The following AGBL4 variants were observed in gnomAD, a reference collection of about 807,000 sequenced individuals.
AGBL4 encodes the protein cytosolic carboxypeptidase 6.
Under a neutral mutation model 66.4 loss-of-function variants are expected in AGBL4, and 58 were observed. That is an observed-to-expected ratio of 0.87 (90% confidence interval 0.71 to 1.09). AGBL4 has a LOEUF of 1.09. Ranked by LOEUF, AGBL4 falls within the 50% of genes least tolerant of loss-of-function variation. AGBL4 has a pLI of 0.00. For synonymous variants in AGBL4, 234 were observed against 222.9 expected (o/e 1.05, Z -0.44); for missense variants, 579 against 631.0 (o/e 0.92, Z 0.88).
intron 9 of AGBL4, among the ~76,000 whole-genome samples, chr1:48,598,409 A>G (rs1645028005): frequency 6.6e-6 from 1 of 152,138 alleles, no homozygotes; most frequent in African/African-American, 2.4e-5. Context: ...ATAGCCTACT[A>G]CACACCTAGG....
intron 3 of AGBL4, among the ~76,000 whole-genome samples, chr1:49,270,287 C>A (rs1212209083): frequency 1.3e-5 from 2 of 152,060 alleles, no homozygotes; most frequent in African/African-American, 4.8e-5. Flanking sequence ...GTTTTATGTC[C>A]TTGAAAGCTT....
intron 1 of AGBL4, among the ~76,000 whole-genome samples, chr1:49,933,285 C>A (rs1268433159): frequency 6.6e-6 from 1 of 152,002 alleles, no homozygotes; most frequent in African/African-American, 2.4e-5. Flanking sequence ...ATAAAAAAAA[C>A]TGTCAACCAA....
intron 2 of AGBL4, among the ~76,000 whole-genome samples, chr1:49,739,093 G>T (rs911942113): frequency 1.3e-5 from 2 of 151,036 alleles, no homozygotes. Flanking sequence ...GGCTTCAGAC[G>T]ATCAAACTAC....
chr1:49,971,906 G>GGTT (rs1457900823), intron 1 of AGBL4, among the ~76,000 whole-genome samples: 6,808 of 42,904 alleles, frequency 0.16, 2,448 homozygotes, highest in Middle Eastern at 0.26. Context: ...GGTTTTTTTG[G>GGTT]GTTTTTTTTT....
chr1:48,711,941 A>G (rs536353875), intron 6 of AGBL4, among the ~76,000 whole-genome samples: 11 of 152,306 alleles, frequency 7.2e-5, no homozygotes, highest in African/African-American at 2.6e-4. Context: ...ACCTTTCCAC[A>G]GCAACCCAAG....
intron 4 of AGBL4, among the ~76,000 whole-genome samples, chr1:49,211,256 A>G (rs1648645450): frequency 6.6e-6 from 1 of 152,146 alleles, no homozygotes; most frequent in African/African-American, 2.4e-5. Flanking sequence ...TTTCAATTAC[A>G]CAAACATGCA....
rs919911146 is a variant in AGBL4 at position 48,535,067 on chromosome 1, A to G, written c.1365-151T>C. 2.0e-5 allele frequency among the ~76,000 whole-genome samples: 3 copies of G among 152,188 alleles called. No individual in the cohort carries two copies. In the South Asian group the frequency reaches 6.2e-4, roughly 31 times the overall value. On this transcript the variant is annotated intron_variant, in intron 12 of 13. Coordinates refer to ENST00000371839, the MANE Select transcript of AGBL4 (RefSeq NM_032785.4). ...AAGTATGTTTTTATGGGGAAAAAGA[A>G]GAGGGAAGCCCAGATTTGGTCATAG...
At chr1:49,562,029 G>C (rs1253765476) in intron 3 of AGBL4, among the ~76,000 whole-genome samples, 1 of 152,020 alleles carries the variant, frequency 6.6e-6, no homozygotes, top group Non-Finnish European at 1.5e-5. Context: ...ATCTCATTGT[G>C]GTTTTGATTT....
chr1:48,668,275 G>T (rs545889758), intron 6 of AGBL4, among the ~76,000 whole-genome samples: 64 of 152,260 alleles, frequency 4.2e-4, no homozygotes, highest in African/African-American at 9.6e-4. Context: ...CCCTGGCACT[G>T]GTCTCCCTGT....
chr1:49,165,613 G>T (rs544791821), intron 4 of AGBL4, among the ~76,000 whole-genome samples: 9 of 151,658 alleles, frequency 5.9e-5, no homozygotes, highest in African/African-American at 2.2e-4. Context: ...GAGAAAAATG[G>T]TACAGAAGAA....
intron 3 of AGBL4, among the ~76,000 whole-genome samples, chr1:49,608,951 T>C (rs1032514718): frequency 1.2e-4 from 19 of 152,080 alleles, no homozygotes; most frequent in Non-Finnish European, 4.4e-5. Context: ...ATTTTACAAA[T>C]GAGAAATCTG....
intron 1 of AGBL4, among the ~76,000 whole-genome samples, chr1:50,018,208 C>T (rs1373544672): frequency 6.6e-6 from 1 of 152,058 alleles, no homozygotes; most frequent in Non-Finnish European, 1.5e-5. Flanking sequence ...TGAAAGTACA[C>T]TTTTTTCCAA....
intron 3 of AGBL4, among the ~76,000 whole-genome samples, chr1:49,554,339 T>C (rs1653224165): frequency 6.6e-6 from 1 of 152,194 alleles, no homozygotes; most frequent in East Asian, 1.9e-4. Context: ...GCCAAGAGTC[T>C]GAGTTTCTCA....
At chr1:49,934,581 A>C (rs1285854621) in intron 1 of AGBL4, among the ~76,000 whole-genome samples, 4 of 152,230 alleles carry the variant, frequency 2.6e-5, no homozygotes, top group Non-Finnish European at 5.9e-5. Flanking sequence ...AAGAAATTAA[A>C]AGGAAAATCA....
At chr1:49,098,615 C>T (rs1032222865) in intron 4 of AGBL4, among the ~76,000 whole-genome samples, 11 of 152,166 alleles carry the variant, frequency 7.2e-5, no homozygotes, top group Non-Finnish European at 1.5e-4. Context: ...TTTCAGGACA[C>T]AGAATGTGAA....
At chr1:49,014,062 A>C (rs2149011167) in intron 5 of AGBL4, among the ~76,000 whole-genome samples, 1 of 152,300 alleles carries the variant, frequency 6.6e-6, no homozygotes, top group East Asian at 1.9e-4. Context: ...CTCTAATGCA[A>C]TAAAAAAACC....
At chr1:49,253,533 T>G (rs1299574464) in intron 3 of AGBL4, among the ~76,000 whole-genome samples, 1 of 152,056 alleles carries the variant, frequency 6.6e-6, no homozygotes, top group East Asian at 1.9e-4. Context: ...CAGTAATACA[T>G]AGCCTACCAA....
chr1:49,577,416 C>G (rs1044694408), intron 3 of AGBL4, among the ~76,000 whole-genome samples: 1 of 152,190 alleles, frequency 6.6e-6, no homozygotes, highest in Non-Finnish European at 1.5e-5. Flanking sequence ...GCCCAATTTG[C>G]CAGCAGCAGA....
chr1:50,011,763 G>A (rs1317673521), intron 1 of AGBL4, among the ~76,000 whole-genome samples: 36 of 152,230 alleles, frequency 2.4e-4, no homozygotes, highest in Admixed American at 2.3e-3. Context: ...ATTATGCTAA[G>A]TGAAATAAAC....
Sources: allele counts gnomAD v4.1 joint callset (sites outside exome capture counted in the v4.1 genomes callset), GRCh38; gene constraint gnomAD v4.1.1; transcripts MANE v1.5; gene names NCBI Gene and HGNC (gene_info 2026-07-23, HGNC 2026-07-21).